Variants in PTK2 observed in about 807,000 individuals in gnomAD.
The protein encoded by PTK2 is protein tyrosine kinase 2.
In PTK2, 45 loss-of-function variants were observed where a neutral mutation model predicts 150.1. The ratio of observed to expected loss-of-function variants is 0.30; its 90% confidence interval spans 0.24 to 0.38. PTK2 has a LOEUF of 0.38. PTK2 is among the 10% of genes least tolerant of loss of function. PTK2 has a pLI of 1.00. For missense variants in PTK2, 919 were observed against 1,307.3 expected (o/e 0.70, Z 4.58); for synonymous variants, 432 against 449.2 (o/e 0.96, Z 0.48).
At chr8:140,676,765 T>TAAAAAAAAAAAAAAAAAA (rs869199304) in intron 27 of PTK2, among the ~76,000 whole-genome samples, 3 of 55,572 alleles carry the variant, frequency 5.4e-5, no homozygotes, top group African/African-American at 1.7e-4. Context: ...GTCTCTACTT[T>TAAAAAAAAAAAAAAAAAA]AAAAAAAAAA....
intron 1 of PTK2, among the ~76,000 whole-genome samples, chr8:140,930,698 TA>T (rs2100171380): frequency 6.6e-6 from 1 of 152,230 alleles, no homozygotes. Flanking sequence ...ATTGTTTCTT[TA>T]AAATATTTGC....
At chr8:140,675,587 G>A in intron 27 of PTK2, 88 bp from the exon 31 acceptor site, 1 of 967,704 alleles carries the variant, frequency 1.0e-6, no homozygotes, top group East Asian at 2.5e-5. Flanking sequence ...CCACCCCCTT[G>A]AACTTCTAGG....
At chr8:140,996,846 A>T (rs2100197965) in intron 1 of PTK2, among the ~76,000 whole-genome samples, 1 of 152,228 alleles carries the variant, frequency 6.6e-6, no homozygotes, top group African/African-American at 2.4e-5. Context: ...GCTTGTTAAC[A>T]CCACATCCAT....
rs28671041 is a variant in PTK2, at chr8:140,705,602, C to A, written c.2229+517G>T. 9.8e-3 allele frequency among the ~76,000 whole-genome samples: 1,496 copies of A among 152,278 alleles called. 22 individuals carry two copies. Among genetic ancestry groups the A allele is most frequent in the African/African-American group, 0.034 (1,433 of 41,542 alleles). On this transcript the variant is annotated intron_variant, in intron 24 of 31. Transcript: ENST00000522684. The stretch of plus-strand genomic sequence containing the variant: ...GACCTGTGCATTGTAAGGTATACCC[C>A]AGTAAAAGTTAATAACTTTTTCTCA...
At chr8:140,853,244 GGTTT>G (rs1215251756) in intron 5 of PTK2, among the ~76,000 whole-genome samples, 1 of 151,456 alleles carries the variant, frequency 6.6e-6, no homozygotes, top group East Asian at 1.9e-4. Context: ...ACAATATGCA[GGTTT>G]GTTACATATG....
intron 1 of PTK2, among the ~76,000 whole-genome samples, chr8:140,951,546 A>C (rs141032576): frequency 1.8e-4 from 27 of 152,350 alleles, no homozygotes; most frequent in African/African-American, 6.0e-4. Context: ...AAATGATTTT[A>C]AAAGGACAAA....
chr8:140,945,102 T>C (rs1360313814), intron 1 of PTK2, among the ~76,000 whole-genome samples: 2 of 152,202 alleles, frequency 1.3e-5, no homozygotes, highest in African/African-American at 2.4e-5. Context: ...AAAACTGAAG[T>C]GGTACTACAG....
intron 10 of PTK2, among the ~76,000 whole-genome samples, chr8:140,817,404 A>G (rs184429849): frequency 3.9e-4 from 59 of 152,280 alleles, no homozygotes; most frequent in African/African-American, 1.3e-3. Flanking sequence ...TGTACAGGTC[A>G]AGGTATGAAT....
At position 140,819,038 on chromosome 8, in the gene PTK2, C is replaced by A; in HGVS notation, c.649-18G>T. Reference sequence around the variant, plus strand: ...GTTTTGGCCTGCATGACAAAATTACCAAAACATCTTGTAAAAATCAGCAAT... The same window carrying A: ...GTTTTGGCCTGCATGACAAAATTACAAAAACATCTTGTAAAAATCAGCAAT... On this transcript the variant is annotated intron_variant, in intron 8 of 31. Coordinates refer to ENST00000522684, the Ensembl canonical transcript of PTK2. The A allele has an allele frequency of 6.2e-7, 1 of 1,607,058 alleles. No individual in the cohort carries two copies. Among genetic ancestry groups the A allele is most frequent in the South Asian group, 1.1e-5 (1 of 89,792 alleles).
At chr8:140,701,947 T>G (rs961116961) in intron 25 of PTK2, among the ~76,000 whole-genome samples, 1 of 151,472 alleles carries the variant, frequency 6.6e-6, no homozygotes, top group Admixed American at 6.6e-5. Context: ...GCCAACATGG[T>G]GAAACTCTGT....
At chr8:140,916,648 A>G (rs1411733819) in intron 2 of PTK2, among the ~76,000 whole-genome samples, 1 of 152,258 alleles carries the variant, frequency 6.6e-6, no homozygotes, top group East Asian at 1.9e-4. Context: ...TGTGGAATGA[A>G]TGAATGAATA....
At position 140,739,470 on chromosome 8, in the gene PTK2, C is replaced by A. The variant is rs1316870045; in HGVS notation, c.1736-363G>T. 3.3e-5 allele frequency among the ~76,000 whole-genome samples: 5 copies of A among 152,258 alleles called. No individual in the cohort carries two copies. The South Asian group carries it at 1.0e-3, about 32-fold the overall frequency. ...CCTTATCTGTAGGTTAGAATGCTCG[C>A]TATACACATGTCCTGCTAATAATAA... On this transcript the variant is annotated intron_variant, in intron 20 of 31. Transcript: ENST00000522684.
intron 26 of PTK2, among the ~76,000 whole-genome samples, chr8:140,695,412 ATTT>A (rs200068174): frequency 2.9e-5 from 4 of 136,532 alleles, no homozygotes; most frequent in Admixed American, 7.4e-5. Flanking sequence ...AGGTGGTCCT[ATTT>A]TTTTTTTTTT....
intron 7 of PTK2, among the ~76,000 whole-genome samples, chr8:140,843,244 T>C (rs552242179): frequency 2.6e-5 from 4 of 152,304 alleles, no homozygotes; most frequent in African/African-American, 9.6e-5. Flanking sequence ...CTAATTCACC[T>C]TGACAGACAA....
intron 22 of PTK2, among the ~76,000 whole-genome samples, chr8:140,723,841 G>A (rs796499838): frequency 3.3e-5 from 5 of 152,330 alleles, no homozygotes; most frequent in African/African-American, 1.2e-4. Flanking sequence ...GCGGGGAAAG[G>A]AGTACTTTAT....
chr8:140,830,075 G>A (rs1191392766), intron 8 of PTK2, among the ~76,000 whole-genome samples: 1 of 111,814 alleles, frequency 8.9e-6, no homozygotes, highest in African/African-American at 4.5e-5. Context: ...TAACATGCAC[G>A]CACACACATA....
intron 7 of PTK2, chr8:140,832,925 G>A (rs779426497): frequency 1.9e-6 from 1 of 518,850 alleles, no homozygotes; most frequent in African/African-American, 1.9e-5. Context: ...GAAAGACCAG[G>A]GCAGGGAATA....
intron 1 of PTK2, among the ~76,000 whole-genome samples, chr8:140,932,082 T>C (rs2100172036): frequency 6.6e-6 from 1 of 152,286 alleles, no homozygotes; most frequent in African/African-American, 2.4e-5. Flanking sequence ...CATTCTACTC[T>C]TTCCCCCACT....
chr8:140,747,810 A>T (rs1182930773), intron 17 of PTK2, among the ~76,000 whole-genome samples: 1 of 151,126 alleles, frequency 6.6e-6, no homozygotes, highest in Non-Finnish European at 1.5e-5. Flanking sequence ...GGAGGAAGTG[A>T]AGGAGAAGAA....
Sources: allele counts gnomAD v4.1 joint callset (sites outside exome capture counted in the v4.1 genomes callset), GRCh38; gene constraint gnomAD v4.1.1; transcripts MANE v1.5; gene names NCBI Gene and HGNC (gene_info 2026-07-23, HGNC 2026-07-21).